MMAB: variants seen among roughly 807,000 people sequenced by gnomAD.
MMAB encodes the protein corrinoid adenosyltransferase MMAB.
In MMAB, 17 loss-of-function variants were observed where a neutral mutation model predicts 30.6. The observed-to-expected ratio is 0.56, with a 90% confidence interval of 0.38 to 0.83. The LOEUF is 0.83. Ranked by LOEUF, MMAB falls within the 40% of genes least tolerant of loss-of-function variation. The pLI is 0.00. For missense variants in MMAB, 311 were observed against 331.6 expected, an observed-to-expected ratio of 0.94 and a Z score of 0.48; for synonymous variants, 134 against 138.6, an observed-to-expected ratio of 0.97 and a Z score of 0.23.
chr12:109,560,889 C>T, intron 7 of MMAB, 151 bp downstream of exon 7: 4 of 790,522 alleles, frequency 5.1e-6, no homozygotes, highest in Non-Finnish European at 8.5e-6. Context: ...CTGGATGGCT[C>T]AGAGATGGCC....
chr12:109,570,638 G>A (rs1477913262), intron 2 of MMAB, among the ~76,000 whole-genome samples: 1 of 152,082 alleles, frequency 6.6e-6, no homozygotes, highest in Admixed American at 6.5e-5. Flanking sequence ...GGGAGGCTGA[G>A]CTGGGAGGAT....
At position 109,558,358 on chromosome 12, in the gene MMAB, A is replaced by G. The variant is rs575245509; in HGVS notation, c.644+738T>C. ...CCTCCCAGAAGGAAAGGAGCTGCTC[A>G]GGACCCGTCAAAGCGCCATGTCTCT... On this transcript the variant is annotated intron_variant, in intron 8 of 8. Transcript: ENST00000545712. The surrounding 1 kb of genome is among the most constrained non-coding windows in gnomAD (Gnocchi z 4.3). Among the ~76,000 whole-genome samples, 36 of 152,262 alleles carry G rather than the reference A, an allele frequency of 2.4e-4. No homozygotes were observed. Among genetic ancestry groups the G allele is most frequent in the Admixed American group, 1.8e-3 (27 of 15,300 alleles).
At chr12:109,568,949 T>A in intron 2 of MMAB, 86 bp from the exon 3 acceptor site, 1 of 1,014,640 alleles carries the variant, frequency 9.9e-7, no homozygotes, top group Non-Finnish European at 1.6e-6. Flanking sequence ...TCAAAGATTT[T>A]AAAGAACTTT....
chr12:109,558,737 C>T lies in MMAB; in HGVS notation c.644+359G>A, dbSNP rs565878543. 6.6e-6 allele frequency among the ~76,000 whole-genome samples: 1 copy of T among 151,166 alleles called. No individual in the cohort carries two copies. The highest frequency in any genetic ancestry group is 2.4e-5 in the African/African-American group (1 of 41,102). ...AACTGGCTGAGAGAGGGCCTGAAGC[C>T]TGGCTCCCTGGTCAGTCACCACCGA... is the stretch of plus-strand genomic sequence containing the variant. On this transcript the variant is annotated intron_variant, in intron 8 of 8. Transcript: ENST00000545712. This position sits in a 1 kb window ranked among gnomAD's most constrained non-coding sequence, Gnocchi z 4.3.
rs142070439 is a variant in MMAB, at chr12:109,557,116, G to A, written c.665C>T (p.Thr222Met). The A allele has an allele frequency of 1.3e-4, 211 of 1,612,956 alleles. 2 individuals carry two copies. Among genetic ancestry groups the A allele is most frequent in the South Asian group, 1.0e-3 (95 of 91,058 alleles). The part of the protein sequence containing the change: ...FLNRLSDYLF[T>M]LARYAAMKEG... ...CTTCATGGCTGCATATCTGGCTAGC[G>A]TGAAGAGATAGTCACTGAGTCTGGA... The change falls in exon 9 of 9, where the codon ACG (threonine) becomes ATG (methionine). Residue 222 changes from threonine to methionine, a missense_variant. Coordinates refer to ENST00000545712, the MANE Select transcript of MMAB (RefSeq NM_052845.4).
Position 109,568,878 on chromosome 12 carries a change from G to T in MMAB, c.197-15C>A, listed in dbSNP as rs546939788. 5 of 1,572,106 alleles carry T rather than the reference G, an allele frequency of 3.2e-6. No homozygotes were observed. In the Admixed American group the frequency reaches 6.7e-5, roughly 21 times the overall value. On this transcript the variant is annotated splice_polypyrimidine_tract_variant and intron_variant, in intron 2 of 8. Coordinates refer to ENST00000545712, the MANE Select transcript of MMAB (RefSeq NM_052845.4). ...ACTAGAAAACCCTGTGGAAAAAAAT[G>T]TTTAGCCACCCAAATTAAGATTCTG...
chr12:109,561,051 C>CCGG lies in MMAB; in HGVS notation c.570_572dup (p.Arg191dup), dbSNP rs864309512. On this transcript the variant is annotated inframe_insertion, in exon 7 of 9. Transcript: ENST00000545712. This position sits in a 1 kb window ranked among gnomAD's most constrained non-coding sequence, Gnocchi z 5.3. ...TCCAGCCCTCTTACCGTCTCTCGGCCCGGCGGCACACGGCCCGGCAGAAAT... is the reference window on the plus strand; with the variant it reads ...TCCAGCCCTCTTACCGTCTCTCGGCCCGGCGGCGGCACACGGCCCGGCAGAAAT... 6.2e-7 allele frequency: 1 copy of CCGG among 1,610,500 alleles called. No homozygotes were observed. Among genetic ancestry groups the CCGG allele is most frequent in the Non-Finnish European group, 8.5e-7 (1 of 1,179,866 alleles).
chr12:109,553,900 C>G lies in MMAB; in HGVS notation c.*3128G>C. On this transcript the variant is annotated 3_prime_UTR_variant, in exon 9 of 9. Transcript: ENST00000545712. ...ATTGCCACTGACGGGGGCTTCCGAA[C>G]TGGGGACGTTTGTCATTGGGATGTG... 1 of 454,048 alleles carries G rather than the reference C, an allele frequency of 2.2e-6. No homozygotes were observed. Among genetic ancestry groups the G allele is most frequent in the South Asian group, 1.6e-5 (1 of 64,478 alleles). The allele number at this position is 454,048 out of a possible 1,614,324, so 28.1% of individuals were successfully genotyped here.
intron 3 of MMAB, chr12:109,567,068 T>C (rs1444171255): frequency 2.2e-6 from 1 of 454,092 alleles, no homozygotes; most frequent in Non-Finnish European, 4.4e-6. Flanking sequence ...TTAAGAATAG[T>C]AATAATGAGG....
intron 4 of MMAB, chr12:109,564,779 A>C: frequency 2.4e-6 from 1 of 417,996 alleles, no homozygotes; most frequent in Non-Finnish European, 4.5e-6. Context: ...CCTGGGCTCA[A>C]GAGATCCTCC....
intron 1 of MMAB, among the ~76,000 whole-genome samples, chr12:109,571,920 T>C (rs1283922503): frequency 1.3e-5 from 2 of 152,158 alleles, no homozygotes; most frequent in African/African-American, 4.8e-5. Flanking sequence ...GATGACAGAG[T>C]GTGTAGAGTA....
Position 109,558,270 on chromosome 12 carries a change from G to C in MMAB, c.644+826C>G, listed in dbSNP as rs1271698872. ...AATGGCCTGTCCCGTGCAATGCTAT[G>C]GGACCGCAGGGTTGCTGCTTTGAAG... On this transcript the variant is annotated intron_variant, in intron 8 of 8. Transcript: ENST00000545712. The surrounding 1 kb of genome is among the most constrained non-coding windows in gnomAD (Gnocchi z 4.3). Among the ~76,000 whole-genome samples the C allele has an allele frequency of 6.6e-6, 1 of 152,144 alleles. No individual in the cohort carries two copies. Among genetic ancestry groups the C allele is most frequent in the South Asian group, 2.1e-4 (1 of 4,828 alleles).
At chr12:109,570,873 C>CAAAAAAAAAAAAAA (rs111235348) in intron 2 of MMAB, among the ~76,000 whole-genome samples, 1 of 92,384 alleles carries the variant, frequency 1.1e-5, no homozygotes, top group African/African-American at 3.9e-5. Context: ...AACCCTGTAT[C>CAAAAAAAAAAAAAA]AAAAAAAAAA....
In MMAB at chr12:109,555,449, ATTT is replaced by A. The variant is rs34507867; in HGVS notation, c.*1576_*1578del. ...AGGCACCCGCCACCATGCCCAGCTA[ATTT>A]TTTTTTTTTTTTTTTTTTTTTAGCA... is the stretch of plus-strand genomic sequence containing the variant. On this transcript the variant is annotated 3_prime_UTR_variant, in exon 9 of 9. Coordinates refer to ENST00000545712, the MANE Select transcript of MMAB (RefSeq NM_052845.4). 50,898 of 307,650 alleles carry A rather than the reference ATTT, an allele frequency of 0.17. 2,525 individuals carry two copies. The highest frequency in any genetic ancestry group is 0.31 in the African/African-American group (10,090 of 32,866). The allele number at this position is 307,650 out of a possible 1,614,324, so 19.1% of individuals were successfully genotyped here. A position where few individuals can be genotyped will look rare whatever the true frequency, so the allele number is the denominator to read the frequency against.
intron 3 of MMAB, among the ~76,000 whole-genome samples, chr12:109,566,840 G>A (rs1427981542): frequency 2.6e-5 from 4 of 152,210 alleles, no homozygotes; most frequent in Admixed American, 2.6e-4. Flanking sequence ...TCGTGTTTTA[G>A]AGCTCATTAG....
chr12:109,557,431 C>T (rs1045572474), intron 8 of MMAB, among the ~76,000 whole-genome samples: 7 of 152,346 alleles, frequency 4.6e-5, no homozygotes, highest in East Asian at 1.9e-4. Context: ...CTCTCTGAGC[C>T]GGTTTTTGCA....
rs200127370 is a variant in MMAB at position 109,561,507 on chromosome 12, C to T, written c.432G>A (p.Thr144=). 6 of 1,549,236 alleles carry T rather than the reference C, an allele frequency of 3.9e-6. No homozygotes were observed. Among genetic ancestry groups the T allele is most frequent in the African/African-American group, 1.4e-5 (1 of 73,132 alleles). ...SAREAHLKYT[T]FKAGPILELE... ...GCTCCAGGATGGGCCCCGCCTTGAA[C>T]GTGGTATACTCTGAGGAGCCAAGGA... Residue 144 remains threonine (T), a synonymous_variant, in exon 6 of 9, where the codon ACG becomes ACA. Coordinates refer to ENST00000545712, the MANE Select transcript of MMAB (RefSeq NM_052845.4). This position sits in a 1 kb window ranked among gnomAD's most constrained non-coding sequence, Gnocchi z 5.3.
intron 3 of MMAB, among the ~76,000 whole-genome samples, chr12:109,565,860 G>GC (rs1397628999): frequency 2.0e-5 from 3 of 152,100 alleles, no homozygotes; most frequent in Non-Finnish European, 2.9e-5. Flanking sequence ...AAAGCAAACT[G>GC]CCCCCCGACA....
Position 109,558,812 on chromosome 12 carries a change from A to G in MMAB, c.644+284T>C, listed in dbSNP as rs1279472177. On this transcript the variant is annotated intron_variant, in intron 8 of 8. Transcript: ENST00000545712. The surrounding 1 kb of genome is among the most constrained non-coding windows in gnomAD (Gnocchi z 4.3). The stretch of plus-strand genomic sequence containing the variant: ...TCTAAGAACGCCCTTTGCCCCCGCA[A>G]TGCCACTTTGCACTTAGGTTTTTCT... 6.6e-6 allele frequency among the ~76,000 whole-genome samples: 1 copy of G among 151,210 alleles called. No homozygotes were observed. The highest frequency in any genetic ancestry group is 1.5e-5 in the Non-Finnish European group (1 of 67,896).
Sources: gnomAD v4.1 joint callset for allele counts (sites outside exome capture counted in the v4.1 genomes callset) on GRCh38, gnomAD v4.1.1 for gene constraint, Gnocchi (gnomAD v3.1) non-coding constraint, MANE v1.5 for transcripts, NCBI Gene and HGNC (gene_info 2026-07-23, HGNC 2026-07-21) for gene names.